The following TENM3 variants were observed in gnomAD, a reference collection of about 807,000 sequenced individuals.
The protein encoded by TENM3 is teneurin-3.
Under a neutral mutation model 255.1 loss-of-function variants are expected in TENM3, and 63 were observed. The ratio of observed to expected loss-of-function variants is 0.25; its 90% CI spans 0.20 to 0.30. The LOEUF (loss-of-function observed/expected upper bound fraction) is 0.30. TENM3 is among the 10% of genes least tolerant of loss of function. TENM3 has a pLI of 1.00. For missense variants in TENM3, 2,929 were observed against 3,461.1 expected, an observed-to-expected ratio of 0.85 and a Z score of 3.86; for synonymous variants, 1,306 against 1,322.3, an observed-to-expected ratio of 0.99 and a Z score of 0.27.
At chr4:181,842,797 A>C in the TENM3 span, among the ~76,000 whole-genome samples, 1 of 152,360 alleles carries the variant, frequency 6.6e-6, no homozygotes, top group African/African-American at 2.4e-5. Context: ...TCACTAAAGT[A>C]TCATAGACAA....
intron 3 of TENM3, among the ~76,000 whole-genome samples, chr4:182,477,183 G>A (rs1340381872): frequency 1.3e-5 from 2 of 152,136 alleles, no homozygotes; most frequent in East Asian, 1.9e-4. Flanking sequence ...CAAAATCTAC[G>A]ATTTGATCAA....
At chr4:182,449,237 C>CCGCTCCGGAGCCGGTGGCTCCGCTT (rs758941265) in intron 3 of TENM3, among the ~76,000 whole-genome samples, 63,494 of 149,466 alleles carry the variant, frequency 0.42, 13,712 homozygotes, top group African/African-American at 0.47. Context: ...CGGCTCCGCT[C>CCGCTCCGGAGCCGGTGGCTCCGCTT]TTCTCCCTTG....
At chr4:181,769,633 T>C in the TENM3 span, among the ~76,000 whole-genome samples, 1 of 152,240 alleles carries the variant, frequency 6.6e-6, no homozygotes, top group Admixed American at 6.5e-5. Flanking sequence ...GATATATTCA[T>C]ATCCAGGTAC....
chr4:181,517,605 C>T, the TENM3 span, among the ~76,000 whole-genome samples: 2 of 152,166 alleles, frequency 1.3e-5, no homozygotes, highest in African/African-American at 4.8e-5. Flanking sequence ...TTGGCACATC[C>T]CAACAGTTTT....
the TENM3 span, among the ~76,000 whole-genome samples, chr4:181,991,630 A>G: frequency 1.3e-5 from 2 of 152,180 alleles, no homozygotes; most frequent in African/African-American, 4.8e-5. Flanking sequence ...TGTCAGCCTC[A>G]TGAAAAGCAT....
intron 3 of TENM3, among the ~76,000 whole-genome samples, chr4:182,523,580 C>T (rs912855393): frequency 1.3e-5 from 2 of 152,038 alleles, no homozygotes; most frequent in East Asian, 1.9e-4. Flanking sequence ...CATGACATGT[C>T]ATAACATCGT....
At chr4:182,783,674 C>G (rs1765369859) in intron 24 of TENM3, among the ~76,000 whole-genome samples, 1 of 151,970 alleles carries the variant, frequency 6.6e-6, no homozygotes, top group Non-Finnish European at 1.5e-5. Flanking sequence ...TCCATTCTCC[C>G]CATCACTTTC....
At chr4:181,920,369 A>G in the TENM3 span, among the ~76,000 whole-genome samples, 23,758 of 151,338 alleles carry the variant, frequency 0.16, 1,907 homozygotes, top group South Asian at 0.29. Flanking sequence ...AAGTGTTCCT[A>G]TTTCTCCACA....
the TENM3 span, among the ~76,000 whole-genome samples, chr4:181,977,178 C>T: frequency 4.4e-4 from 67 of 152,128 alleles, no homozygotes; most frequent in African/African-American, 1.4e-3. Context: ...TTGGTTTCCT[C>T]AACTGTGAAA....
At chr4:182,401,661 T>C (rs1769221273) in intron 3 of TENM3, among the ~76,000 whole-genome samples, 1 of 152,220 alleles carries the variant, frequency 6.6e-6, no homozygotes, top group Admixed American at 6.5e-5. Context: ...ACTGAGTCAC[T>C]TACTTTATTA....
the TENM3 span, among the ~76,000 whole-genome samples, chr4:181,905,105 A>G: frequency 6.6e-6 from 1 of 152,198 alleles, no homozygotes; most frequent in African/African-American, 2.4e-5. Flanking sequence ...CCGGTCTCAG[A>G]TATGTCTTTA....
chr4:181,652,679 A>C, the TENM3 span, among the ~76,000 whole-genome samples: 1 of 152,176 alleles, frequency 6.6e-6, no homozygotes, highest in Non-Finnish European at 1.5e-5. Context: ...ATCTAGAAAC[A>C]TCTAGAAACT....
chr4:181,943,610 G>A, the TENM3 span, among the ~76,000 whole-genome samples: 1 of 152,036 alleles, frequency 6.6e-6, no homozygotes, highest in Non-Finnish European at 1.5e-5. Context: ...CTGTTTCTTT[G>A]ATGCATAAAC....
At chr4:182,012,639 A>G in the TENM3 span, 3 of 152,158 alleles carry the variant, frequency 2.0e-5, no homozygotes, top group African/African-American at 7.2e-5. Context: ...ATCATTTTAA[A>G]GTTTTCTTTA....
rs768332944 is a variant in TENM3 at position 182,257,324 on chromosome 4, T to A, written c.-76+13848T>A. On this transcript the variant is annotated intron_variant, in intron 1 of 27. Transcript: ENST00000511685. The stretch of plus-strand genomic sequence containing the variant: ...TATGTGTGTGTGTTTGTGTGTGTTA[T>A]ATACACATAGGTATTTTTTGCAAGT... Among the ~76,000 whole-genome samples, 24 of 152,192 alleles carry A rather than the reference T, an allele frequency of 1.6e-4. 1 individual carries two copies. Among genetic ancestry groups the A allele is most frequent in the Non-Finnish European group, 3.2e-4 (22 of 68,038 alleles).
At chr4:182,698,730 G>A (rs1561126596) in intron 12 of TENM3, among the ~76,000 whole-genome samples, 1 of 152,136 alleles carries the variant, frequency 6.6e-6, no homozygotes, top group Non-Finnish European at 1.5e-5. Context: ...CCTTCATGCC[G>A]TAATTTATCC....
intron 3 of TENM3, among the ~76,000 whole-genome samples, chr4:182,510,004 A>G (rs1028141562): frequency 3.3e-5 from 5 of 151,482 alleles, no homozygotes; most frequent in African/African-American, 4.8e-5. Flanking sequence ...ATCTAAGATT[A>G]TTTCTGAACC....
the TENM3 span, among the ~76,000 whole-genome samples, chr4:181,792,813 T>G: frequency 6.6e-6 from 1 of 152,198 alleles, no homozygotes; most frequent in South Asian, 2.1e-4. Context: ...CTTCTCCCTA[T>G]TGAGCAGCAT....
upstream of TENM3, among the ~76,000 whole-genome samples, chr4:182,238,647 A>G (rs1757039623): frequency 6.6e-6 from 1 of 152,166 alleles, no homozygotes; most frequent in Non-Finnish European, 1.5e-5. Flanking sequence ...TATTGGGTGA[A>G]TAAATAAGTG....
Sources: gnomAD v4.1 joint callset for allele counts (sites outside exome capture counted in the v4.1 genomes callset) on GRCh38, gnomAD v4.1.1 for gene constraint, MANE v1.5 for transcripts, NCBI Gene and HGNC (gene_info 2026-07-23, HGNC 2026-07-21) for gene names.